SGCZ: variants seen among roughly 807,000 people sequenced by gnomAD.
The protein encoded by SGCZ is sarcoglycan zeta.
In SGCZ, 40 loss-of-function variants were observed where a neutral mutation model predicts 41.3. The ratio of observed to expected loss-of-function variants is 0.97; its 90% CI spans 0.75 to 1.26. The LOEUF (loss-of-function observed/expected upper bound fraction) is 1.26, where lower values mean the gene tolerates loss of function less well. SGCZ is among the 50% of genes most tolerant of loss of function. The pLI, the probability that SGCZ is intolerant of heterozygous loss-of-function variation, is 0.00. For missense variants in SGCZ, 552 were observed against 369.8 expected (o/e 1.49, Z -4.04); for synonymous variants, 206 against 137.5 (o/e 1.50, Z -3.49).
chr8:14,586,508 C>A (rs1211112654), intron 1 of SGCZ, among the ~76,000 whole-genome samples: 2 of 152,130 alleles, frequency 1.3e-5, no homozygotes, highest in Non-Finnish European at 1.5e-5. Context: ...CCACCACGCC[C>A]AGCGCAAAAT....
intron 1 of SGCZ, among the ~76,000 whole-genome samples, chr8:14,827,435 T>C (rs1386636157): frequency 6.6e-6 from 1 of 151,848 alleles, no homozygotes; most frequent in African/African-American, 2.4e-5. Flanking sequence ...CAGGGTTTCT[T>C]CATGTTGGCC....
intron 5 of SGCZ, among the ~76,000 whole-genome samples, chr8:14,133,709 CTT>C: frequency 6.6e-6 from 1 of 151,964 alleles, no homozygotes; most frequent in South Asian, 2.1e-4. Flanking sequence ...ACCTTTGACT[CTT>C]TTTCTGAGTT....
In SGCZ at chr8:14,623,134, G is replaced by A. The variant is rs116356077; in HGVS notation, c.40-68208C>T. 4.1e-3 allele frequency among the ~76,000 whole-genome samples: 623 copies of A among 152,242 alleles called. 4 individuals carry two copies. The highest frequency in any genetic ancestry group is 0.012 in the African/African-American group (513 of 41,550). On this transcript the variant is annotated intron_variant, in intron 1 of 7. Coordinates refer to ENST00000382080, the MANE Select transcript of SGCZ (RefSeq NM_139167.4). ...GAACTTATCAGTGTATTACCATGAA[G>A]TATTTTTTAAGATTTAAAAGCACAT... is the stretch of plus-strand genomic sequence containing the variant.
intron 3 of SGCZ, among the ~76,000 whole-genome samples, chr8:14,253,601 T>C (rs946683242): frequency 1.7e-4 from 26 of 152,088 alleles, no homozygotes; most frequent in Admixed American, 7.9e-4. Context: ...TAAAGAGATA[T>C]AGTTCATTGG....
rs1023343627 is a variant in SGCZ at position 14,146,853 on chromosome 8, C to A, written c.547+17727G>T. Among the ~76,000 whole-genome samples, 3 of 122,510 alleles carry A rather than the reference C, an allele frequency of 2.4e-5. 1 individual carries two copies. Among genetic ancestry groups the A allele is most frequent in the African/African-American group, 7.1e-5 (2 of 28,244 alleles). 80.4% of individuals were successfully genotyped at this position (122,510 alleles called of 152,430 possible). On this transcript the variant is annotated intron_variant, in intron 5 of 7. Coordinates refer to ENST00000382080, the MANE Select transcript of SGCZ (RefSeq NM_139167.4). ...CGCCACTGCACTCCAGCCTGGGCGA[C>A]AGAGCGAGACTCCGTCTCAAAAAAT...
At chr8:14,185,639 C>A (rs1005930754) in intron 4 of SGCZ, among the ~76,000 whole-genome samples, 31 of 152,160 alleles carry the variant, frequency 2.0e-4, no homozygotes, top group Admixed American at 9.8e-4. Context: ...CTTGACTTTT[C>A]TTCTATCTTA....
At chr8:14,860,455 G>A (rs1195382089) in intron 1 of SGCZ, among the ~76,000 whole-genome samples, 4 of 144,260 alleles carry the variant, frequency 2.8e-5, no homozygotes, top group Non-Finnish European at 6.0e-5. Context: ...GAAGAGAGAA[G>A]GAAAGAGAAG....
chr8:14,318,107 G>T (rs1174868750), intron 3 of SGCZ, among the ~76,000 whole-genome samples: 1 of 151,764 alleles, frequency 6.6e-6, no homozygotes, highest in East Asian at 1.9e-4. Context: ...TTTCAATTCG[G>T]TAATAAAAAT....
intron 1 of SGCZ, among the ~76,000 whole-genome samples, chr8:14,631,442 G>T (rs1301813331): frequency 6.6e-6 from 1 of 151,710 alleles, no homozygotes; most frequent in Non-Finnish European, 1.5e-5. Context: ...TGGCCATAGT[G>T]GAGGTATCTA....
intron 1 of SGCZ, among the ~76,000 whole-genome samples, chr8:14,833,444 A>G (rs1372149248): frequency 6.6e-6 from 1 of 152,194 alleles, no homozygotes; most frequent in Non-Finnish European, 1.5e-5. Context: ...ATTTTAGGTG[A>G]ACTTTTCTGA....
At chr8:14,260,160 A>C (rs1392263213) in intron 3 of SGCZ, among the ~76,000 whole-genome samples, 2 of 152,130 alleles carry the variant, frequency 1.3e-5, no homozygotes, top group Admixed American at 6.6e-5. Context: ...TGAACAGGCA[A>C]CCTACAGAAT....
intron 1 of SGCZ, among the ~76,000 whole-genome samples, chr8:14,778,576 G>C (rs1800484844): frequency 6.6e-6 from 1 of 152,088 alleles, no homozygotes; most frequent in South Asian, 2.1e-4. Flanking sequence ...TAAAATGTAT[G>C]TGGATGACAA....
chr8:14,701,048 T>C (rs76119356), intron 1 of SGCZ, among the ~76,000 whole-genome samples: 18 of 152,088 alleles, frequency 1.2e-4, no homozygotes, highest in African/African-American at 4.1e-4. Context: ...TTACAAAGTT[T>C]TAGTGAAAGA....
At chr8:14,575,728 G>A (rs1285134774) in intron 1 of SGCZ, among the ~76,000 whole-genome samples, 4 of 151,924 alleles carry the variant, frequency 2.6e-5, no homozygotes, top group Admixed American at 1.3e-4. Context: ...CCAACATGGT[G>A]AAACCCCATC....
At chr8:15,141,253 G>A (rs1330144019) in intron 1 of SGCZ, among the ~76,000 whole-genome samples, 1 of 152,172 alleles carries the variant, frequency 6.6e-6, no homozygotes, top group Non-Finnish European at 1.5e-5. Context: ...GGTGGTAGGG[G>A]TTGTGGATTC....
chr8:14,207,195 TATAAAC>T (rs1805644090), intron 4 of SGCZ, among the ~76,000 whole-genome samples: 1 of 152,270 alleles, frequency 6.6e-6, no homozygotes, highest in East Asian at 1.9e-4. Context: ...GTCTGATTCT[TATAAAC>T]AGAACAAGAA....
chr8:14,964,975 C>G (rs552448325), intron 1 of SGCZ, among the ~76,000 whole-genome samples: 1 of 152,102 alleles, frequency 6.6e-6, no homozygotes, highest in African/African-American at 2.4e-5. Flanking sequence ...GCAGACAGAC[C>G]ATTTACCTTT....
At chr8:14,359,520 A>G (rs949227699) in intron 2 of SGCZ, among the ~76,000 whole-genome samples, 1 of 152,180 alleles carries the variant, frequency 6.6e-6, no homozygotes, top group African/African-American at 2.4e-5. Flanking sequence ...CTGAAATAAT[A>G]TCAAGGTTCT....
intron 2 of SGCZ, among the ~76,000 whole-genome samples, chr8:14,529,441 T>C (rs1293921636): frequency 6.6e-6 from 1 of 152,164 alleles, no homozygotes; most frequent in East Asian, 1.9e-4. Flanking sequence ...TTGTTTAGCA[T>C]CTGTTCCTAA....
Sources: gnomAD v4.1 joint callset for allele counts (sites outside exome capture counted in the v4.1 genomes callset) on GRCh38, gnomAD v4.1.1 for gene constraint, MANE v1.5 for transcripts, NCBI Gene and HGNC (gene_info 2026-07-23, HGNC 2026-07-21) for gene names.